The following GNAL variants were observed in gnomAD, a reference collection of about 807,000 sequenced individuals.
GNAL encodes G protein subunit alpha L.
Under a neutral mutation model 55.1 loss-of-function variants are expected in GNAL, and 18 were observed. That is an observed-to-expected ratio of 0.33 (90% CI 0.23 to 0.48). GNAL has a LOEUF of 0.48. GNAL is among the 20% of genes least tolerant of loss of function. The pLI, the probability that GNAL is intolerant of heterozygous loss-of-function variation, is 0.99. For missense variants in GNAL, 412 were observed against 614.1 expected (o/e 0.67, Z 3.48); for synonymous variants, 253 against 237.0 (o/e 1.07, Z -0.62).
At chr18:11,766,274 A>C (rs985251409) in intron 4 of GNAL, among the ~76,000 whole-genome samples, 20 of 152,214 alleles carry the variant, frequency 1.3e-4, no homozygotes, top group African/African-American at 4.8e-4. Context: ...TCACCTTTAA[A>C]ATAATCTCAT....
chr18:11,811,213 G>A (rs992539922), intron 4 of GNAL, among the ~76,000 whole-genome samples: 10 of 152,116 alleles, frequency 6.6e-5, no homozygotes, highest in Admixed American at 1.3e-4. Context: ...CGGCCCCAGC[G>A]CAGCCCTCCC....
intron 4 of GNAL, among the ~76,000 whole-genome samples, chr18:11,795,104 A>G (rs2034344193): frequency 6.6e-6 from 1 of 152,036 alleles, no homozygotes; most frequent in African/African-American, 2.4e-5. Context: ...CAACCTCCCA[A>G]AGTGCTGGGA....
At chr18:11,707,813 C>T (rs1567993109) in intron 1 of GNAL, among the ~76,000 whole-genome samples, 1 of 152,216 alleles carries the variant, frequency 6.6e-6, no homozygotes, top group Admixed American at 6.5e-5. Flanking sequence ...GGTTAACTTT[C>T]TATATTAGCA....
At chr18:11,845,511 G>A (rs73944918) in intron 5 of GNAL, among the ~76,000 whole-genome samples, 9,809 of 152,122 alleles carry the variant, frequency 0.064, 436 homozygotes, top group African/African-American at 0.12. Flanking sequence ...AATATATCGT[G>A]TGTTTCATAG....
intron 4 of GNAL, among the ~76,000 whole-genome samples, chr18:11,814,056 T>C (rs2034890894): frequency 6.6e-6 from 1 of 152,112 alleles, no homozygotes; most frequent in South Asian, 2.1e-4. Flanking sequence ...GCATGGATCA[T>C]AGGCCTAAAT....
At chr18:11,767,012 C>T (rs2033427468) in intron 4 of GNAL, among the ~76,000 whole-genome samples, 2 of 152,226 alleles carry the variant, frequency 1.3e-5, no homozygotes. Context: ...CTGTACCCAA[C>T]CTGTATTCTT....
intron 10 of GNAL, among the ~76,000 whole-genome samples, chr18:11,873,027 G>A (rs535100566): frequency 6.6e-6 from 1 of 152,324 alleles, no homozygotes; most frequent in Admixed American, 6.5e-5. Flanking sequence ...GGGACCGTCA[G>A]TGCTAAAGCT....
intron 1 of GNAL, among the ~76,000 whole-genome samples, chr18:11,715,225 C>T (rs1232940782): frequency 3.3e-5 from 5 of 151,574 alleles, no homozygotes; most frequent in East Asian, 3.9e-4. Context: ...TTTGGGAGGC[C>T]GAGGTGGGCG....
intron 1 of GNAL, among the ~76,000 whole-genome samples, chr18:11,718,766 T>C (rs1473343645): frequency 6.6e-6 from 1 of 152,230 alleles, no homozygotes; most frequent in Non-Finnish European, 1.5e-5. Flanking sequence ...AGAACTGCAC[T>C]GTACTAAGAT....
In GNAL at chr18:11,756,157, C is replaced by T. The variant is rs77458244; in HGVS notation, c.624+2212C>T. On this transcript the variant is annotated intron_variant, in intron 4 of 11. Transcript: ENST00000334049. ...TTGATGAGGCATCCCATATTCAACC[C>T]CAAATCCAGAAACAATTGGTAACTC... is the stretch of plus-strand genomic sequence containing the variant. Among the ~76,000 whole-genome samples, 1,300 of 152,126 alleles carry T rather than the reference C, an allele frequency of 8.5e-3. 16 individuals are homozygous for T. Among genetic ancestry groups the T allele is most frequent in the African/African-American group, 0.03 (1,237 of 41,476 alleles).
intron 7 of GNAL, among the ~76,000 whole-genome samples, chr18:11,865,598 A>G (rs935305103): frequency 1.4e-5 from 2 of 148,024 alleles, no homozygotes; most frequent in African/African-American, 5.3e-5. Context: ...AAAAAAAAAA[A>G]AAAAAAATTA....
At chr18:11,877,041 C>G (rs1362538617) in intron 11 of GNAL, among the ~76,000 whole-genome samples, 1 of 152,242 alleles carries the variant, frequency 6.6e-6, no homozygotes, top group Admixed American at 6.5e-5. Context: ...AAAGCACTAA[C>G]AGGCTGATGG....
In GNAL at chr18:11,700,063, G is replaced by A. The variant is rs1174627930; in HGVS notation, c.376+10124G>A. On this transcript the variant is annotated intron_variant, in intron 1 of 11. Coordinates refer to ENST00000334049, the MANE Select transcript of GNAL (RefSeq NM_182978.4). ...TTACTAAGAAAAGAAGTCAGTGAAA[G>A]ATTTTGTCCTTGAATTAGGATCCCA... Among the ~76,000 whole-genome samples, 5 of 152,172 alleles carry A rather than the reference G, an allele frequency of 3.3e-5. No individual in the cohort carries two copies. In the East Asian group the frequency reaches 9.6e-4, roughly 29 times the overall value.
intron 5 of GNAL, among the ~76,000 whole-genome samples, chr18:11,860,980 G>A (rs117648360): frequency 9.8e-4 from 150 of 152,296 alleles, no homozygotes; most frequent in East Asian, 8.1e-3. Context: ...GAACCGTTTC[G>A]TCTCCCTCTT....
At chr18:11,809,411 A>T (rs2034752093) in intron 4 of GNAL, among the ~76,000 whole-genome samples, 1 of 152,252 alleles carries the variant, frequency 6.6e-6, no homozygotes, top group Admixed American at 6.5e-5. Flanking sequence ...TAGAGAGACC[A>T]TTGAATTCTA....
In GNAL at chr18:11,700,557, C is replaced by G. The variant is rs78735005; in HGVS notation, c.376+10618C>G. Among the ~76,000 whole-genome samples, 1,407 of 152,374 alleles carry G rather than the reference C, an allele frequency of 9.2e-3. 12 individuals carry two copies. Among genetic ancestry groups the G allele is most frequent in the African/African-American group, 0.032 (1,342 of 41,576 alleles). ...GGCACGAGTTAGGGAAGCCACCCAT[C>G]AAAATCTTCAAGGGTTAGACAGCTC... On this transcript the variant is annotated intron_variant, in intron 1 of 11. Transcript: ENST00000334049.
intron 1 of GNAL, among the ~76,000 whole-genome samples, chr18:11,733,365 G>A (rs2032385339): frequency 6.6e-6 from 1 of 152,200 alleles, no homozygotes; most frequent in African/African-American, 2.4e-5. Context: ...CCCAGGTGGC[G>A]GAGAGCAGAA....
At chr18:11,791,833 A>G (rs961825843) in intron 4 of GNAL, among the ~76,000 whole-genome samples, 2 of 152,132 alleles carry the variant, frequency 1.3e-5, no homozygotes, top group African/African-American at 2.4e-5. Context: ...GCAGTGATCC[A>G]GGTGTGCCGA....
chr18:11,792,543 G>C (rs997464629), intron 4 of GNAL, among the ~76,000 whole-genome samples: 7 of 152,202 alleles, frequency 4.6e-5, no homozygotes, highest in African/African-American at 1.7e-4. Flanking sequence ...CCCTACTGAA[G>C]TGTTGACTTC....
Sources: allele counts gnomAD v4.1 joint callset (sites outside exome capture counted in the v4.1 genomes callset), GRCh38; gene constraint gnomAD v4.1.1; transcripts MANE v1.5; gene names NCBI Gene and HGNC (gene_info 2026-07-23, HGNC 2026-07-21).